Variants in CXADR observed in about 807,000 individuals in gnomAD.
CXADR encodes coxsackievirus and adenovirus receptor.
Under a neutral mutation model 40.3 loss-of-function variants are expected in CXADR, and 20 were observed. The ratio of observed to expected loss-of-function variants is 0.50; its 90% CI spans 0.35 to 0.72. The LOEUF is 0.72. Among genes scored for constraint, CXADR ranks in the 30% least tolerant of loss-of-function variants. The pLI is 0.01. For missense variants in CXADR, 332 were observed against 449.1 expected, an observed-to-expected ratio of 0.74 and a Z score of 2.36; for synonymous variants, 150 against 161.3, an observed-to-expected ratio of 0.93 and a Z score of 0.53.
chr21:17,616,892 G>A, the CXADR span, among the ~76,000 whole-genome samples: 1 of 152,070 alleles, frequency 6.6e-6, no homozygotes, highest in East Asian at 1.9e-4. Flanking sequence ...TATCCATAAA[G>A]CAGCAGTGAT....
chr21:17,561,103 A>T (rs899478024), intron 5 of CXADR, among the ~76,000 whole-genome samples: 5 of 152,250 alleles, frequency 3.3e-5, no homozygotes, highest in African/African-American at 1.2e-4. Flanking sequence ...GTTAACCAAG[A>T]TAGCTTTGAA....
chr21:17,607,170 C>T, the CXADR span, among the ~76,000 whole-genome samples: 1 of 152,210 alleles, frequency 6.6e-6, no homozygotes, highest in Admixed American at 6.5e-5. Flanking sequence ...CCAATTTAAT[C>T]GTTTCAGTTT....
At chr21:17,612,540 C>T in the CXADR span, 1 of 152,074 alleles carries the variant, frequency 6.6e-6, no homozygotes, top group African/African-American at 2.4e-5. Flanking sequence ...GGCGCCGAGC[C>T]GGAGCCCATG....
Position 17,543,157 on chromosome 21 carries a change from A to G in CXADR, c.44-3870A>G, listed in dbSNP as rs78678351. The G allele has an allele frequency of 3.2e-3, 632 of 198,550 alleles. 26 individuals carry two copies. The East Asian group carries it at 0.08, about 25-fold the overall frequency. The allele number at this position is 198,550 out of a possible 1,614,324, so 12.3% of individuals were successfully genotyped here. On this transcript the variant is annotated intron_variant, in intron 1 of 6. Coordinates refer to ENST00000284878, the MANE Select transcript of CXADR (RefSeq NM_001338.5). ...CAGCATACTCATTTAAAAAAATCTC[A>G]GAATAAAGCAGAAATGGACAGTTGT...
At chr21:17,597,440 T>A (rs777493722), downstream of CXADR, among the ~76,000 whole-genome samples, 2 of 151,678 alleles carry the variant, frequency 1.3e-5, no homozygotes, top group Non-Finnish European at 2.9e-5. Flanking sequence ...GATCCTGAAG[T>A]ACAAATACTA....
chr21:17,615,810 A>C, the CXADR span, among the ~76,000 whole-genome samples: 1 of 152,224 alleles, frequency 6.6e-6, no homozygotes, highest in African/African-American at 2.4e-5. Context: ...AGGAATCATC[A>C]CACACATCCT....
At chr21:17,615,243 C>T in the CXADR span, among the ~76,000 whole-genome samples, 2 of 152,160 alleles carry the variant, frequency 1.3e-5, no homozygotes, top group African/African-American at 2.4e-5. Flanking sequence ...CATACCTTCA[C>T]CAGACACTGG....
rs1415334832 is a variant in CXADR, at chr21:17,566,969, G to A, written c.*1277G>A. On this transcript the variant is annotated 3_prime_UTR_variant, in exon 7 of 7. Transcript: ENST00000284878. ...CTTAAAAAAAAAAAAGAAAGAAAAA[G>A]AAAAAAAGATAAGAAGGAGGAGTAA... is the stretch of plus-strand genomic sequence containing the variant. 2.1e-6 allele frequency: 2 copies of A among 973,324 alleles called. No homozygotes were observed. Among genetic ancestry groups the A allele is most frequent in the African/African-American group, 3.5e-5 (2 of 56,830 alleles). 60.3% of individuals were successfully genotyped at this position (973,324 alleles called of 1,614,324 possible). A position where few individuals can be genotyped will look rare whatever the true frequency, so the allele number is the denominator to read the frequency against.
intron 1 of CXADR, among the ~76,000 whole-genome samples, chr21:17,519,222 C>T (rs2123107405): frequency 6.6e-6 from 1 of 152,346 alleles, no homozygotes; most frequent in South Asian, 2.1e-4. Context: ...GATCAGAGGA[C>T]AGGGCCATTA....
intron 1 of CXADR, among the ~76,000 whole-genome samples, chr21:17,532,293 C>T (rs1303572114): frequency 6.6e-6 from 1 of 152,074 alleles, no homozygotes; most frequent in East Asian, 1.9e-4. Flanking sequence ...TGGTGTTTGG[C>T]TATAAGATTT....
chr21:17,569,366 T>C lies in CXADR; in HGVS notation c.*3674T>C. On this transcript the variant is annotated 3_prime_UTR_variant, in exon 7 of 7. Transcript: ENST00000284878. ...TCTTAGTGGCTTGTGACATTATATA[T>C]TATATATATATATGTACATATATCT... 1 of 974,668 alleles carries C rather than the reference T, an allele frequency of 1.0e-6. No individual in the cohort carries two copies. The allele number at this position is 974,668 out of a possible 1,614,324, so 60.4% of individuals were successfully genotyped here.
downstream of CXADR, among the ~76,000 whole-genome samples, chr21:17,572,703 A>T (rs535759182): frequency 5.9e-5 from 9 of 152,128 alleles, 2 homozygotes; most frequent in Admixed American, 5.9e-4. Context: ...GGCACTAACT[A>T]ACGTTGTTTT....
chr21:17,547,351 G>A (rs2060911488), intron 2 of CXADR, among the ~76,000 whole-genome samples, 158 bp downstream of exon 2: 1 of 152,154 alleles, frequency 6.6e-6, no homozygotes, highest in African/African-American at 2.4e-5. Flanking sequence ...CAATTGCTCT[G>A]GTGGAAATTG....
In CXADR at chr21:17,558,081, CTTT is replaced by C. The variant is rs11420511; in HGVS notation, c.416-884_416-882del. Among the ~76,000 whole-genome samples, 49 of 149,776 alleles carry C rather than the reference CTTT, an allele frequency of 3.3e-4. 1 individual carries two copies. The East Asian group carries it at 3.7e-3, about 11-fold the overall frequency. On this transcript the variant is annotated intron_variant, in intron 3 of 6. Transcript: ENST00000284878. Reference sequence around the variant, plus strand: ...CACCTGGAATATAACCTCAGATTTCCTTTTTTTTTTTTTAATTAAATATTCTTT... The same window carrying C: ...CACCTGGAATATAACCTCAGATTTCCTTTTTTTTTTAATTAAATATTCTTT...
the CXADR span, among the ~76,000 whole-genome samples, chr21:17,619,923 C>A: frequency 2.0e-5 from 3 of 152,036 alleles, no homozygotes; most frequent in Admixed American, 1.3e-4. Context: ...CTCTCTCAGC[C>A]TTGGTAGAAT....
At chr21:17,576,087 CAA>C (rs35462120) in intron 7 of CXADR, among the ~76,000 whole-genome samples, 6 of 121,630 alleles carry the variant, frequency 4.9e-5, no homozygotes, top group Non-Finnish European at 3.3e-5. Flanking sequence ...GACTCCATCT[CAA>C]AAAAAAAAAA....
chr21:17,552,042 G>A (rs1601005570), intron 3 of CXADR, 89 bp downstream of exon 3: 3 of 977,952 alleles, frequency 3.1e-6, no homozygotes, highest in Non-Finnish European at 4.6e-6. Context: ...ATAAAATAAA[G>A]CTTAATTTTT....
chr21:17,570,137 T>C (rs2061265380), downstream of CXADR: 1 of 985,284 alleles, frequency 1.0e-6, no homozygotes, highest in Admixed American at 6.1e-5. Context: ...GTGCCTTTTA[T>C]ACAGTGTCCA....
Position 17,567,264 on chromosome 21 carries a change from G to A in CXADR, c.*1572G>A. ...ACGGTGGCATGTATTTACAGTTAGA[G>A]TATTGTGTGTACACTTTTTAATGGT... On this transcript the variant is annotated 3_prime_UTR_variant, in exon 7 of 7. Transcript: ENST00000284878. 1.0e-6 allele frequency: 1 copy of A among 985,392 alleles called. No homozygotes were observed. 61.0% of individuals were successfully genotyped at this position (985,392 alleles called of 1,614,324 possible).
Sources: gnomAD v4.1 joint callset for allele counts (sites outside exome capture counted in the v4.1 genomes callset) on GRCh38, gnomAD v4.1.1 for gene constraint, MANE v1.5 for transcripts, NCBI Gene and HGNC (gene_info 2026-07-23, HGNC 2026-07-21) for gene names.